The following UBE3D variants were observed in gnomAD, a reference collection of about 807,000 sequenced individuals.
UBE3D encodes E3 ubiquitin-protein ligase E3D.
Under a neutral mutation model 49.6 loss-of-function variants are expected in UBE3D, and 48 were observed. The ratio of observed to expected loss-of-function variants is 0.97; its 90% confidence interval spans 0.77 to 1.23. The LOEUF is 1.23. Among genes scored for constraint, UBE3D ranks in the 50% most tolerant of loss-of-function variants. UBE3D has a pLI of 0.00. For missense variants in UBE3D, 452 were observed against 468.4 expected, an observed-to-expected ratio of 0.96 and a Z score of 0.32; for synonymous variants, 189 against 174.2, an observed-to-expected ratio of 1.08 and a Z score of -0.67.
At chr6:82,981,529 T>C (rs1398464754) in intron 8 of UBE3D, among the ~76,000 whole-genome samples, 1 of 152,010 alleles carries the variant, frequency 6.6e-6, no homozygotes, top group African/African-American at 2.4e-5. Context: ...ACTCATCTTT[T>C]GGAGTCCTGT....
At chr6:82,934,511 A>G (rs1774408512) in intron 9 of UBE3D, among the ~76,000 whole-genome samples, 1 of 152,316 alleles carries the variant, frequency 6.6e-6, no homozygotes, top group South Asian at 2.1e-4. Flanking sequence ...CTAGAGAAAT[A>G]GAAAAACACA....
intron 9 of UBE3D, among the ~76,000 whole-genome samples, chr6:82,939,063 A>G (rs80316190): frequency 7.1e-6 from 1 of 140,082 alleles, no homozygotes; most frequent in Non-Finnish European, 1.6e-5. Flanking sequence ...CCTGTCTATT[A>G]AAAAAAAAAA....
chr6:82,944,149 C>T lies in UBE3D; in HGVS notation c.1149+13163G>A, dbSNP rs537123196. 4.6e-5 allele frequency among the ~76,000 whole-genome samples: 7 copies of T among 151,576 alleles called. No homozygotes were observed. In the East Asian group the frequency reaches 1.2e-3, roughly 26 times the overall value. ...ACTAGCTGGGGCAGCTAAGGGAGTG[C>T]TTGTGCCACCCCTCCCCCAACTCTA... On this transcript the variant is annotated intron_variant, in intron 9 of 9. Coordinates refer to ENST00000369747, the MANE Select transcript of UBE3D (RefSeq NM_198920.3).
At chr6:82,911,209 A>AC (rs1772485831) in intron 9 of UBE3D, among the ~76,000 whole-genome samples, 1 of 150,698 alleles carries the variant, frequency 6.6e-6, no homozygotes, top group African/African-American at 2.4e-5. Flanking sequence ...AAAAAAAAAA[A>AC]AAAAAAAAAA....
At chr6:82,890,361 G>C (rs1414255933), downstream of UBE3D, among the ~76,000 whole-genome samples, 1 of 152,050 alleles carries the variant, frequency 6.6e-6, no homozygotes, top group Non-Finnish European at 1.5e-5. Context: ...GTACAGACAT[G>C]TTACCCCTCA....
chr6:83,042,824 T>C (rs1264264755), intron 4 of UBE3D, among the ~76,000 whole-genome samples: 1 of 152,182 alleles, frequency 6.6e-6, no homozygotes, highest in Non-Finnish European at 1.5e-5. Flanking sequence ...ATAGGAGAAA[T>C]AGGTTTTCAA....
intron 9 of UBE3D, among the ~76,000 whole-genome samples, chr6:82,934,664 C>T (rs968499971): frequency 4.0e-5 from 6 of 150,836 alleles, no homozygotes; most frequent in Admixed American, 6.6e-5. Context: ...AATTTAGCCA[C>T]AAAATTAACA....
chr6:83,022,309 A>C, intron 7 of UBE3D, 144 bp downstream of exon 7: 1 of 538,500 alleles, frequency 1.9e-6, no homozygotes, highest in South Asian at 3.2e-5. Flanking sequence ...TTTCAGGCAT[A>C]AGCCACCGTG....
At chr6:82,930,365 C>G (rs1173431732) in intron 9 of UBE3D, among the ~76,000 whole-genome samples, 1 of 152,084 alleles carries the variant, frequency 6.6e-6, no homozygotes, top group Admixed American at 6.6e-5. Flanking sequence ...GGTAGTGAGG[C>G]GCTGCTGTAA....
intron 5 of UBE3D, chr6:83,037,573 A>G (rs1316704159): frequency 6.6e-6 from 1 of 152,172 alleles, no homozygotes; most frequent in Non-Finnish European, 1.5e-5. Context: ...ACTTCTTACA[A>G]GATTTTGACG....
intron 2 of UBE3D, among the ~76,000 whole-genome samples, chr6:83,055,138 GTGGGGAAAAA>G (rs1364228419): frequency 3.4e-5 from 2 of 58,166 alleles, no homozygotes; most frequent in Non-Finnish European, 6.6e-5. Flanking sequence ...GTTGAAAGCT[GTGGGGAAAAA>G]TGTATATTTC....
intron 8 of UBE3D, among the ~76,000 whole-genome samples, chr6:83,002,641 C>A (rs904144283): frequency 6.6e-6 from 1 of 152,218 alleles, no homozygotes; most frequent in African/African-American, 2.4e-5. Flanking sequence ...GCCGAGATTG[C>A]GCCATTGCAC....
chr6:82,900,254 G>A (rs563540802), intron 9 of UBE3D, among the ~76,000 whole-genome samples: 1 of 152,152 alleles, frequency 6.6e-6, no homozygotes, highest in African/African-American at 2.4e-5. Context: ...AGTATCAATT[G>A]AAATATTTTC....
chr6:82,982,919 C>T (rs577914645), intron 8 of UBE3D, among the ~76,000 whole-genome samples: 1 of 152,084 alleles, frequency 6.6e-6, no homozygotes, highest in African/African-American at 2.4e-5. Context: ...ATTTTCTCCC[C>T]GTTTATCTTC....
At chr6:82,961,042 A>G (rs1438531379) in intron 8 of UBE3D, among the ~76,000 whole-genome samples, 1 of 152,144 alleles carries the variant, frequency 6.6e-6, no homozygotes, top group East Asian at 1.9e-4. Flanking sequence ...GTGAATCTCT[A>G]AGACCTATTC....
At chr6:82,882,947 A>C in the UBE3D span, among the ~76,000 whole-genome samples, 45 of 152,242 alleles carry the variant, frequency 3.0e-4, no homozygotes, top group African/African-American at 1.1e-3. Flanking sequence ...TAGACAATAA[A>C]TTTCTGTGTC....
intron 9 of UBE3D, 39 bp from the exon 10 acceptor site, chr6:82,893,081 T>C: frequency 6.2e-7 from 1 of 1,611,592 alleles, no homozygotes; most frequent in Non-Finnish European, 8.5e-7. Context: ...TTTACTTCTA[T>C]AATATGACAA....
At chr6:83,054,124 A>G (rs755371141) in intron 3 of UBE3D, 24 bp downstream of exon 3, 30 of 1,571,416 alleles carry the variant, frequency 1.9e-5, no homozygotes, top group African/African-American at 1.8e-4. Context: ...CACAGAATTA[A>G]TCAGTGTTAA....
chr6:82,938,012 C>T (rs1029221172), intron 9 of UBE3D, among the ~76,000 whole-genome samples: 1 of 151,574 alleles, frequency 6.6e-6, no homozygotes, highest in Non-Finnish European at 1.5e-5. Flanking sequence ...CACACAACAA[C>T]CCTATGTAAT....
Sources: gnomAD v4.1 joint callset for allele counts (sites outside exome capture counted in the v4.1 genomes callset) on GRCh38, gnomAD v4.1.1 for gene constraint, MANE v1.5 for transcripts, NCBI Gene and HGNC (gene_info 2026-07-23, HGNC 2026-07-21) for gene names.